FBXO11: variants seen among roughly 807,000 people sequenced by gnomAD.
The protein encoded by FBXO11 is F-box only protein 11.
In FBXO11, 13 loss-of-function variants were observed where a neutral mutation model predicts 117.0. The ratio of observed to expected loss-of-function variants is 0.11; its 90% CI spans 0.07 to 0.18. FBXO11 has a LOEUF of 0.18. FBXO11 is among the 10% of genes least tolerant of loss of function. The pLI is 1.00. For missense variants in FBXO11, 767 were observed against 1,164.4 expected (o/e 0.66, Z 4.97); for synonymous variants, 490 against 380.5 (o/e 1.29, Z -3.35).
chr2:47,890,609 T>A (rs1572913307), intron 1 of FBXO11, among the ~76,000 whole-genome samples: 1 of 151,734 alleles, frequency 6.6e-6, no homozygotes, highest in African/African-American at 2.4e-5. Flanking sequence ...TTTGAGACCA[T>A]CCTGGCCAAC....
chr2:47,846,019 T>C (rs1235644374), intron 1 of FBXO11, among the ~76,000 whole-genome samples: 1 of 152,096 alleles, frequency 6.6e-6, no homozygotes, highest in Non-Finnish European at 1.5e-5. Context: ...CAAAACAGAC[T>C]TAGCATACAT....
At chr2:47,809,813 ACCCTC>A in intron 19 of FBXO11, 106 bp from the exon 20 acceptor site, 8 of 693,698 alleles carry the variant, frequency 1.2e-5, no homozygotes, top group Non-Finnish European at 1.7e-5. Context: ...AAGTACATTA[ACCCTC>A]TTAATGTCTA....
intron 17 of FBXO11, 96 bp from the exon 18 acceptor site, chr2:47,813,473 A>G: frequency 1.3e-6 from 1 of 767,672 alleles, no homozygotes; most frequent in South Asian, 2.3e-5. Flanking sequence ...CTCTGTTGCC[A>G]GGCTGGAGTG....
chr2:47,852,136 C>G (rs1322068408), intron 1 of FBXO11, among the ~76,000 whole-genome samples: 1 of 151,962 alleles, frequency 6.6e-6, no homozygotes, highest in Admixed American at 6.6e-5. Flanking sequence ...ATTACAGGCA[C>G]CTGCCACCAC....
intron 4 of FBXO11, among the ~76,000 whole-genome samples, chr2:47,836,824 C>T (rs1672604308): frequency 6.6e-6 from 1 of 152,096 alleles, no homozygotes; most frequent in Non-Finnish European, 1.5e-5. Context: ...ACTCCCGTTG[C>T]CCACACTGGA....
At chr2:47,830,610 T>C (rs1341736196) in intron 11 of FBXO11, among the ~76,000 whole-genome samples, 1 of 152,218 alleles carries the variant, frequency 6.6e-6, no homozygotes, top group African/African-American at 2.4e-5. Context: ...TTAAAATGTA[T>C]AAATCTCATT....
At chr2:47,893,452 A>C (rs1304260743) in intron 1 of FBXO11, among the ~76,000 whole-genome samples, 2 of 152,156 alleles carry the variant, frequency 1.3e-5, no homozygotes, top group East Asian at 3.8e-4. Context: ...AGGCAGAAAA[A>C]CATGGGGTGG....
At chr2:47,831,427 GAAAAAAAAAAAA>G (rs920107554) in intron 11 of FBXO11, among the ~76,000 whole-genome samples, 12 of 65,748 alleles carry the variant, frequency 1.8e-4, no homozygotes, top group Non-Finnish European at 3.1e-4. Flanking sequence ...GTCTCAAAAA[GAAAAAAAAAAAA>G]AAAAAAAAAG....
chr2:47,810,141 G>C (rs987034861), intron 19 of FBXO11, 175 bp downstream of exon 19: 1 of 557,942 alleles, frequency 1.8e-6, no homozygotes, highest in Non-Finnish European at 3.1e-6. Context: ...GTCTGGCTTA[G>C]AGTAGAAGAA....
chr2:47,837,859 T>G (rs1447378566), intron 4 of FBXO11, among the ~76,000 whole-genome samples: 1 of 151,168 alleles, frequency 6.6e-6, no homozygotes, highest in Non-Finnish European at 1.5e-5. Context: ...GCCTCCGGAG[T>G]AGCTGGGACC....
At chr2:47,865,315 G>C (rs946834871) in intron 1 of FBXO11, among the ~76,000 whole-genome samples, 1 of 152,194 alleles carries the variant, frequency 6.6e-6, no homozygotes, top group African/African-American at 2.4e-5. Context: ...ATCTGACTAG[G>C]TTTTGGCCAA....
In FBXO11 at chr2:47,850,436, G is replaced by C. The variant is rs556123238; in HGVS notation, c.233-10667C>G. On this transcript the variant is annotated intron_variant, in intron 1 of 22. Transcript: ENST00000403359. ...TCACTCAGAAAATACACTACACTAG[G>C]AATGGGGAGTCAGAAAGCATAGACT... 3.9e-5 allele frequency among the ~76,000 whole-genome samples: 6 copies of C among 152,274 alleles called. No individual in the cohort carries two copies. In the South Asian group the frequency reaches 1.0e-3, roughly 26 times the overall value.
At chr2:47,835,762 T>G (rs920225793) in intron 5 of FBXO11, 110 bp downstream of exon 5, 2 of 749,788 alleles carry the variant, frequency 2.7e-6, no homozygotes, top group African/African-American at 1.8e-5. Context: ...CCTCCCAAGG[T>G]GCTGGGATTA....
At chr2:47,901,651 A>T (rs1317783644) in intron 1 of FBXO11, among the ~76,000 whole-genome samples, 1 of 151,084 alleles carries the variant, frequency 6.6e-6, no homozygotes, top group Admixed American at 6.6e-5. Context: ...CCCAGGCTGG[A>T]GTGCAGTGGT....
In FBXO11 at chr2:47,839,475, T is replaced by A. The variant is rs1237853235; in HGVS notation, c.386A>T (p.Asn129Ile). The A allele has an allele frequency of 1.2e-6, 2 of 1,613,990 alleles. No individual in the cohort carries two copies. Residue 129 changes from asparagine to isoleucine, a missense_variant, in exon 3 of 23, where the codon AAC becomes ATC. Around this residue, in one of 10 missense-constraint regions of FBXO11, gnomAD observed 355 missense variants for 299.8 expected, o/e 1.18. Coordinates refer to ENST00000403359, the MANE Select transcript of FBXO11 (RefSeq NM_001190274.2). ...TGCACGTTTTGCACGATGACCAAAG[T>A]TTTCTGTAGTTGAAGTTGAGGCGCC... ...MEGASTSTTE[N>I]FGHRAKRARV... is the part of the protein sequence containing the mutation.
intron 12 of FBXO11, 77 bp from the exon 13 acceptor site, chr2:47,822,380 C>T (rs1276986452): frequency 3.6e-6 from 3 of 841,776 alleles, no homozygotes; most frequent in Non-Finnish European, 5.7e-6. Context: ...GGTAAGGCCC[C>T]TCATGGTCAT....
In FBXO11 at chr2:47,823,342, T is replaced by G; in HGVS notation, c.1417A>C (p.Asn473His). 1 of 1,606,058 alleles carries G rather than the reference T, an allele frequency of 6.2e-7. No individual in the cohort carries two copies. Among genetic ancestry groups the G allele is most frequent in the South Asian group, 1.1e-5 (1 of 89,150 alleles). ...CCTGCTATCCTATTTCTGTGTATAT[T>G]GCAACTTTCAAAGTAACCCTGAAAA... ...DHGMGYFESC[N>H]IHRNRIAGFE... Residue 473 changes from asparagine to histidine, a missense_variant, in exon 12 of 23, where the codon AAT (asparagine) becomes CAT (histidine). By Grantham distance (68) the Asn-to-His change is moderately conservative. This residue lies in a region of FBXO11 where 67 missense variants were observed against 148.8 expected (regional missense o/e 0.45). Transcript: ENST00000403359.
At chr2:47,834,962 C>A (rs1197299477) in intron 5 of FBXO11, 91 bp from the exon 6 acceptor site, 2 of 871,812 alleles carry the variant, frequency 2.3e-6, no homozygotes, top group Admixed American at 5.5e-5. Context: ...ACTTTTATTA[C>A]AAATCAAAAA....
intron 1 of FBXO11, among the ~76,000 whole-genome samples, chr2:47,878,661 ATT>A (rs537844418): frequency 7.1e-4 from 97 of 135,672 alleles, no homozygotes; most frequent in Middle Eastern, 3.8e-3. Flanking sequence ...TGCGTCCAGC[ATT>A]TTTTTTTTTT....
Sources: gnomAD v4.1 joint callset for allele counts (sites outside exome capture counted in the v4.1 genomes callset) on GRCh38, gnomAD v4.1.1 for gene constraint, gnomAD v4.1.1 regional missense constraint, MANE v1.5 for transcripts, NCBI Gene and HGNC (gene_info 2026-07-23, HGNC 2026-07-21) for gene names.